CNTN4: variants seen among roughly 807,000 people sequenced by gnomAD.
CNTN4 encodes the protein contactin 4.
A neutral mutation model predicts 122.5 loss-of-function variants in CNTN4; 77 were observed. The ratio of observed to expected loss-of-function variants is 0.63; its 90% CI spans 0.52 to 0.76. CNTN4 has a LOEUF of 0.76. CNTN4 is among the 30% of genes least tolerant of loss of function. CNTN4 has a pLI of 0.00. For missense variants in CNTN4, 1,256 were observed against 1,259.1 expected (o/e 1.00, Z 0.04); for synonymous variants, 512 against 447.0 (o/e 1.15, Z -1.83).
intron 4 of CNTN4, among the ~76,000 whole-genome samples, chr3:2,597,325 C>G (rs1476024705): frequency 1.3e-5 from 2 of 152,106 alleles, no homozygotes; most frequent in Non-Finnish European, 2.9e-5. Flanking sequence ...GGGGTAATGC[C>G]TCTTCTACTA....
rs748582277 is a variant in CNTN4, at chr3:3,042,379, C to T, written c.2468C>T (p.Ala823Val). ...LSATDIEVFW[A>V]SPLEKNRGRI... ...GCCACAGATATTGAAGTTTTCTGGG[C>T]CTCCCCACTGGAGAAGAATAGAGGA... Residue 823 changes from alanine (A) to valine (V), a missense_variant, in exon 21 of 25, where the codon GCC (alanine) becomes GTC (valine). Coordinates refer to ENST00000418658, the MANE Select transcript of CNTN4 (RefSeq NM_175607.3). 2.2e-5 allele frequency: 35 copies of T among 1,613,858 alleles called. No homozygotes were observed. In the South Asian group the frequency reaches 3.7e-4, roughly 17 times the overall value.
chr3:2,327,615 A>T (rs1354239), intron 2 of CNTN4, among the ~76,000 whole-genome samples: 54,241 of 151,976 alleles, frequency 0.36, 10,562 homozygotes, highest in East Asian at 0.8. Flanking sequence ...TTTAAAGAAA[A>T]CCATAATGCA....
At chr3:2,265,689 A>G (rs1481930419) in intron 2 of CNTN4, among the ~76,000 whole-genome samples, 2 of 151,896 alleles carry the variant, frequency 1.3e-5, no homozygotes, top group Non-Finnish European at 2.9e-5. Context: ...TAATTCTTCT[A>G]ATTCATGAAC....
intron 3 of CNTN4, among the ~76,000 whole-genome samples, chr3:2,532,450 T>C (rs776605653): frequency 4.6e-5 from 7 of 152,252 alleles, no homozygotes; most frequent in African/African-American, 9.6e-5. Context: ...GAGAATTCTT[T>C]CTTTTGACCA....
chr3:2,631,915 G>T (rs1048604819), intron 4 of CNTN4, among the ~76,000 whole-genome samples: 16 of 150,556 alleles, frequency 1.1e-4, no homozygotes, highest in Non-Finnish European at 1.9e-4. Flanking sequence ...AGCTGGACAT[G>T]GTGGCGTGCA....
intron 6 of CNTN4, among the ~76,000 whole-genome samples, chr3:2,778,111 G>A (rs1287749160): frequency 1.4e-5 from 2 of 141,624 alleles, no homozygotes; most frequent in African/African-American, 2.7e-5. Context: ...CTACTCAGGA[G>A]GCTGAGGCAG....
intron 2 of CNTN4, among the ~76,000 whole-genome samples, chr3:2,280,710 G>T (rs1021601327): frequency 3.1e-4 from 47 of 152,136 alleles, no homozygotes; most frequent in Admixed American, 2.9e-3. Context: ...AACTTGTATT[G>T]CCTGCTTCCT....
At chr3:2,775,338 CT>C (rs1367882969) in intron 6 of CNTN4, among the ~76,000 whole-genome samples, 1 of 151,564 alleles carries the variant, frequency 6.6e-6, no homozygotes, top group Non-Finnish European at 1.5e-5. Context: ...CAAAACTCCT[CT>C]GTACATAGAG....
intron 4 of CNTN4, among the ~76,000 whole-genome samples, chr3:2,576,737 G>A (rs559789817): frequency 2.0e-4 from 30 of 152,044 alleles, no homozygotes; most frequent in African/African-American, 5.8e-4. Flanking sequence ...TAGTAGAGAC[G>A]GGGTTTTGCC....
intron 14 of CNTN4, among the ~76,000 whole-genome samples, chr3:2,997,033 T>G (rs1224874540): frequency 6.6e-6 from 1 of 152,220 alleles, no homozygotes; most frequent in African/African-American, 2.4e-5. Flanking sequence ...AGCTATTCCT[T>G]TACTGAAGGA....
At chr3:2,324,186 G>A (rs2043369017) in intron 2 of CNTN4, among the ~76,000 whole-genome samples, 2 of 152,148 alleles carry the variant, frequency 1.3e-5, no homozygotes, top group Non-Finnish European at 2.9e-5. Context: ...TTTAGAGCAT[G>A]GCATGAAATC....
At chr3:2,167,267 T>A (rs2036237012) in intron 2 of CNTN4, among the ~76,000 whole-genome samples, 1 of 152,120 alleles carries the variant, frequency 6.6e-6, no homozygotes, top group Non-Finnish European at 1.5e-5. Context: ...GACATATGGT[T>A]CAAAAATGAT....
chr3:2,967,911 A>G (rs534238221), intron 13 of CNTN4, among the ~76,000 whole-genome samples: 1 of 151,760 alleles, frequency 6.6e-6, no homozygotes, highest in Non-Finnish European at 1.5e-5. Flanking sequence ...CAAAAGTTAC[A>G]AAGTTGTGCC....
intron 7 of CNTN4, among the ~76,000 whole-genome samples, chr3:2,831,362 T>G (rs775523302): frequency 1.3e-5 from 2 of 152,228 alleles, no homozygotes; most frequent in Admixed American, 6.5e-5. Flanking sequence ...ATTTTGACAT[T>G]TGCAGATATA....
chr3:2,497,398 C>T (rs890758170), intron 3 of CNTN4, among the ~76,000 whole-genome samples: 2 of 152,142 alleles, frequency 1.3e-5, no homozygotes, highest in African/African-American at 2.4e-5. Flanking sequence ...TGACTTAGCT[C>T]ATTATGTAGT....
At chr3:2,851,318 G>T (rs147775469) in intron 7 of CNTN4, among the ~76,000 whole-genome samples, 1 of 152,246 alleles carries the variant, frequency 6.6e-6, no homozygotes, top group Admixed American at 6.5e-5. Context: ...CTGATCATAT[G>T]CCTCTCCAGG....
At chr3:2,191,402 G>A (rs994637947) in intron 2 of CNTN4, among the ~76,000 whole-genome samples, 3 of 152,022 alleles carry the variant, frequency 2.0e-5, no homozygotes, top group Non-Finnish European at 4.4e-5. Context: ...ACAAGCTGGA[G>A]AAAGGTGGGA....
intron 2 of CNTN4, among the ~76,000 whole-genome samples, chr3:2,159,043 G>C (rs935610858): frequency 6.7e-6 from 1 of 148,436 alleles, no homozygotes; most frequent in Non-Finnish European, 1.5e-5. Context: ...GAGGCAGCGA[G>C]TGGGAGAAAA....
intron 3 of CNTN4, among the ~76,000 whole-genome samples, chr3:2,522,843 G>T (rs139877625): frequency 6.6e-6 from 1 of 151,984 alleles, no homozygotes; most frequent in Non-Finnish European, 1.5e-5. Context: ...ATTCTTTCTT[G>T]AGTGTCTTTT....
Sources: gnomAD v4.1 joint callset for allele counts (sites outside exome capture counted in the v4.1 genomes callset) on GRCh38, gnomAD v4.1.1 for gene constraint, MANE v1.5 for transcripts, NCBI Gene and HGNC (gene_info 2026-07-23, HGNC 2026-07-21) for gene names.